VPS13B: variants seen among roughly 807,000 people sequenced by gnomAD.
VPS13B encodes vacuolar protein sorting 13 homolog B.
Under a neutral mutation model 426.4 loss-of-function variants are expected in VPS13B, and 285 were observed. The ratio of observed to expected loss-of-function variants is 0.67; its 90% CI spans 0.61 to 0.74. The LOEUF is 0.74. Among genes scored for constraint, VPS13B ranks in the 30% least tolerant of loss-of-function variants. The pLI is 0.00. For synonymous variants in VPS13B, 1,676 were observed against 1,676.4 expected (o/e 1.00, Z 0.01); for missense variants, 4,537 against 4,782.6 (o/e 0.95, Z 1.51).
intron 3 of VPS13B, among the ~76,000 whole-genome samples, chr8:99,044,084 C>CTTTTTTTTTTTTTTTTTTTTTTTTTTTT (rs5893476): frequency 2.0e-5 from 2 of 98,932 alleles, no homozygotes; most frequent in African/African-American, 4.1e-5. Context: ...TTCTTTCTTT[C>CTTTTTTTTTTTTTTTTTTTTTTTTTTTT]TTTTTTTTTT....
chr8:99,652,030 A>G (rs1422741119), intron 34 of VPS13B, among the ~76,000 whole-genome samples: 1 of 152,204 alleles, frequency 6.6e-6, no homozygotes, highest in Non-Finnish European at 1.5e-5. Context: ...GTTTATTTGA[A>G]TGTATCATAC....
At chr8:99,779,784 A>C (rs1811922515) in intron 42 of VPS13B, among the ~76,000 whole-genome samples, 1 of 152,164 alleles carries the variant, frequency 6.6e-6, no homozygotes, top group Non-Finnish European at 1.5e-5. Flanking sequence ...TGCTTCCCTT[A>C]CTGATTTTAG....
At chr8:99,715,807 T>G (rs1161589082) in intron 36 of VPS13B, among the ~76,000 whole-genome samples, 1 of 152,202 alleles carries the variant, frequency 6.6e-6, no homozygotes, top group Non-Finnish European at 1.5e-5. Context: ...TTCTGGATGA[T>G]GAATAGATAT....
intron 17 of VPS13B, among the ~76,000 whole-genome samples, chr8:99,268,711 G>A (rs1011010633): frequency 3.3e-5 from 5 of 152,134 alleles, no homozygotes; most frequent in African/African-American, 1.2e-4. Context: ...TGGACTTGGA[G>A]TTTTGAGTTA....
At chr8:99,481,498 T>C in intron 24 of VPS13B, 101 bp from the exon 25 acceptor site, 3 of 1,324,862 alleles carry the variant, frequency 2.3e-6, no homozygotes, top group Non-Finnish European at 3.2e-6. Context: ...TTTATAAATT[T>C]TATTTCTCTG....
chr8:99,150,031 G>A (rs183322309), intron 14 of VPS13B, among the ~76,000 whole-genome samples: 2 of 152,226 alleles, frequency 1.3e-5, no homozygotes, highest in East Asian at 1.9e-4. Context: ...GAAATAAAAA[G>A]TGTCCTAACT....
At chr8:99,656,502 G>C (rs1357480315) in intron 34 of VPS13B, among the ~76,000 whole-genome samples, 1 of 152,108 alleles carries the variant, frequency 6.6e-6, no homozygotes, top group Non-Finnish European at 1.5e-5. Flanking sequence ...TTTAATCTTA[G>C]TTTATCTGGT....
At chr8:99,041,256 A>G (rs1842949809) in intron 3 of VPS13B, among the ~76,000 whole-genome samples, 1 of 152,206 alleles carries the variant, frequency 6.6e-6, no homozygotes, top group African/African-American at 2.4e-5. Context: ...AGATGTATCT[A>G]TGTCAGTCAT....
chr8:99,820,145 T>A, intron 49 of VPS13B, 23 bp downstream of exon 49: 1 of 1,597,846 alleles, frequency 6.3e-7, no homozygotes, highest in Non-Finnish European at 8.6e-7. Context: ...TTTTAACTAA[T>A]ACGAATTCTT....
chr8:99,622,962 C>G (rs1828432551), intron 33 of VPS13B, among the ~76,000 whole-genome samples: 1 of 152,210 alleles, frequency 6.6e-6, no homozygotes, highest in Non-Finnish European at 1.5e-5. Flanking sequence ...TAATTCATCT[C>G]CTTTTTGTAC....
chr8:99,688,192 G>A (rs1015670748), intron 35 of VPS13B, among the ~76,000 whole-genome samples: 59 of 150,590 alleles, frequency 3.9e-4, no homozygotes, highest in African/African-American at 1.4e-3. Flanking sequence ...AGGTAAGGAG[G>A]AGGCAATAAA....
chr8:99,475,425 A>G (rs1406146895), intron 24 of VPS13B, among the ~76,000 whole-genome samples: 1 of 152,200 alleles, frequency 6.6e-6, no homozygotes, highest in Admixed American at 6.5e-5. Flanking sequence ...CTGTGAGAGG[A>G]TAGTCCTACT....
intron 16 of VPS13B, among the ~76,000 whole-genome samples, chr8:99,177,269 T>C (rs1249425092): frequency 2.6e-5 from 4 of 152,210 alleles, no homozygotes; most frequent in Non-Finnish European, 5.9e-5. Context: ...CACTGCATTA[T>C]TTGAAATAAA....
chr8:99,795,326 G>A (rs1037402656), intron 43 of VPS13B, among the ~76,000 whole-genome samples: 5 of 151,990 alleles, frequency 3.3e-5, no homozygotes, highest in African/African-American at 4.8e-5. Context: ...AACATTTTTC[G>A]CACTCTGTAG....
chr8:99,456,233 A>G (rs1818451633), intron 23 of VPS13B, among the ~76,000 whole-genome samples: 1 of 152,090 alleles, frequency 6.6e-6, no homozygotes, highest in African/African-American at 2.4e-5. Flanking sequence ...TAGTGGCACA[A>G]TCTCGGCTCA....
intron 59 of VPS13B, among the ~76,000 whole-genome samples, chr8:99,869,250 G>A (rs1015189532): frequency 1.3e-5 from 2 of 152,142 alleles, no homozygotes; most frequent in Non-Finnish European, 2.9e-5. Flanking sequence ...CGACAGAAGC[G>A]CCCTCCCGTT....
chr8:99,717,991 G>A (rs920927331), intron 37 of VPS13B, among the ~76,000 whole-genome samples: 1 of 151,922 alleles, frequency 6.6e-6, no homozygotes, highest in Non-Finnish European at 1.5e-5. Context: ...GACCATTTGT[G>A]TACGACTTTT....
chr8:99,773,471 T>A (rs1405796250), intron 40 of VPS13B, among the ~76,000 whole-genome samples: 1 of 152,182 alleles, frequency 6.6e-6, no homozygotes, highest in East Asian at 1.9e-4. Flanking sequence ...ATAGGATCAG[T>A]CTACATCTAG....
At chr8:99,031,856 CCCCA>C (rs1358122901) in intron 2 of VPS13B, among the ~76,000 whole-genome samples, 8 of 152,212 alleles carry the variant, frequency 5.3e-5, no homozygotes, top group Non-Finnish European at 1.0e-4. Context: ...GGCTATTGAG[CCCCA>C]AGGCAGAATG....
Sources: gnomAD v4.1 joint callset for allele counts (sites outside exome capture counted in the v4.1 genomes callset) on GRCh38, gnomAD v4.1.1 for gene constraint, MANE v1.5 for transcripts, NCBI Gene and HGNC (gene_info 2026-07-23, HGNC 2026-07-21) for gene names.